ATP8A2: variants seen among roughly 807,000 people sequenced by gnomAD.
ATP8A2 encodes ATPase phospholipid transporting 8A2.
A neutral mutation model predicts 165.6 loss-of-function variants in ATP8A2; 100 were observed. The ratio of observed to expected loss-of-function variants is 0.60; its 90% CI spans 0.51 to 0.71. The LOEUF is 0.71. ATP8A2 is among the 30% of genes least tolerant of loss of function. The pLI is 0.00. For synonymous variants in ATP8A2, 543 were observed against 548.8 expected (o/e 0.99, Z 0.15); for missense variants, 1,227 against 1,479.5 (o/e 0.83, Z 2.80).
chr13:25,862,190 C>G (rs1267143382), intron 32 of ATP8A2, 111 bp from the exon 33 acceptor site: 2 of 708,652 alleles, frequency 2.8e-6, no homozygotes, highest in Non-Finnish European at 5.0e-6. Flanking sequence ...TCATCAAAGT[C>G]TTTCCATAAG....
chr13:25,725,459 G>A (rs1355570465), intron 25 of ATP8A2, among the ~76,000 whole-genome samples: 1 of 152,200 alleles, frequency 6.6e-6, no homozygotes, highest in Non-Finnish European at 1.5e-5. Flanking sequence ...GAACCTCTGA[G>A]ATGACTATTC....
intron 29 of ATP8A2, among the ~76,000 whole-genome samples, chr13:25,838,528 A>G (rs1225887967): frequency 6.6e-6 from 1 of 152,128 alleles, no homozygotes; most frequent in African/African-American, 2.4e-5. Context: ...AAGAGCTGAG[A>G]ATGCACGGAA....
chr13:25,559,968 C>T (rs748684425), intron 15 of ATP8A2, among the ~76,000 whole-genome samples: 4 of 152,098 alleles, frequency 2.6e-5, no homozygotes, highest in Non-Finnish European at 4.4e-5. Context: ...ACTAAAACTA[C>T]GGGCATGCAC....
intron 30 of ATP8A2, among the ~76,000 whole-genome samples, chr13:25,850,807 A>G (rs1341213146): frequency 1.3e-5 from 2 of 152,232 alleles, no homozygotes; most frequent in Non-Finnish European, 2.9e-5. Context: ...ATTAACAGCA[A>G]GCTGTAGCTT....
At chr13:25,690,051 T>A (rs969462433) in intron 24 of ATP8A2, among the ~76,000 whole-genome samples, 4 of 152,052 alleles carry the variant, frequency 2.6e-5, no homozygotes, top group African/African-American at 9.7e-5. Context: ...AAATCTAGTT[T>A]GGGGGAAAAA....
chr13:25,515,469 C>T lies in ATP8A2; in HGVS notation c.222-14530C>T, dbSNP rs141850918. 5.6e-3 allele frequency among the ~76,000 whole-genome samples: 858 copies of T among 152,360 alleles called. 11 individuals carry two copies. Among genetic ancestry groups the T allele is most frequent in the Admixed American group, 0.025 (385 of 15,306 alleles). On this transcript the variant is annotated intron_variant, in intron 2 of 36. Coordinates refer to ENST00000381655, the MANE Select transcript of ATP8A2 (RefSeq NM_016529.6). ...TCGCAGGCCAGGGCCCTTGCTTAGG[C>T]GGCAGCCCCTCTTGTGGGCTTCTCT...
intron 2 of ATP8A2, among the ~76,000 whole-genome samples, chr13:25,472,309 G>T (rs1327871726): frequency 6.6e-6 from 1 of 151,016 alleles, no homozygotes; most frequent in Non-Finnish European, 1.5e-5. Context: ...CACAAGAATC[G>T]CTTGAATCCA....
chr13:25,598,524 T>C (rs1269001474), intron 24 of ATP8A2, among the ~76,000 whole-genome samples: 1 of 152,242 alleles, frequency 6.6e-6, no homozygotes, highest in African/African-American at 2.4e-5. Flanking sequence ...AAAATTACTC[T>C]CAGCAGTATT....
chr13:25,899,313 G>A (rs1326800909), intron 33 of ATP8A2, among the ~76,000 whole-genome samples: 3 of 152,208 alleles, frequency 2.0e-5, no homozygotes, highest in Non-Finnish European at 4.4e-5. Context: ...TGTTACAGGT[G>A]CTGTCCTTTC....
intron 1 of ATP8A2, among the ~76,000 whole-genome samples, chr13:25,449,285 T>C (rs2035150499): frequency 6.6e-6 from 1 of 152,242 alleles, no homozygotes; most frequent in Admixed American, 6.5e-5. Flanking sequence ...ACACAAATTT[T>C]GATATTTATT....
chr13:25,686,635 T>C (rs73154505), intron 24 of ATP8A2, among the ~76,000 whole-genome samples: 15,949 of 152,220 alleles, frequency 0.1, 963 homozygotes, highest in East Asian at 0.26. Context: ...AAATTTTGGC[T>C]TAAAAATATT....
At chr13:25,384,283 T>C (rs1162338165) in intron 1 of ATP8A2, among the ~76,000 whole-genome samples, 2 of 152,240 alleles carry the variant, frequency 1.3e-5, no homozygotes, top group Admixed American at 1.3e-4. Flanking sequence ...TTCAATACGA[T>C]GGTTTAAGTA....
intron 22 of ATP8A2, among the ~76,000 whole-genome samples, chr13:25,581,255 G>A (rs369412560): frequency 2.6e-5 from 4 of 152,088 alleles, no homozygotes; most frequent in African/African-American, 9.7e-5. Context: ...GCAGCTGGAG[G>A]GAACCAAACA....
chr13:25,868,091 C>T (rs972425135), intron 33 of ATP8A2: 1 of 456,318 alleles, frequency 2.2e-6, no homozygotes, highest in Non-Finnish European at 4.4e-6. Flanking sequence ...GGAATCCTCT[C>T]TTCACCCAAG....
intron 33 of ATP8A2, among the ~76,000 whole-genome samples, chr13:25,933,500 G>T (rs546004360): frequency 3.3e-5 from 5 of 152,138 alleles, no homozygotes; most frequent in Non-Finnish European, 5.9e-5. Flanking sequence ...TCATGTTAAA[G>T]TGCTTAGCAC....
intron 27 of ATP8A2, among the ~76,000 whole-genome samples, chr13:25,782,551 G>A (rs1480682530): frequency 3.3e-5 from 5 of 152,102 alleles, no homozygotes; most frequent in Non-Finnish European, 1.5e-5. Context: ...CTGGTTCCAG[G>A]ATACACCCTC....
At chr13:25,639,319 A>C (rs2041452561) in intron 24 of ATP8A2, among the ~76,000 whole-genome samples, 1 of 152,218 alleles carries the variant, frequency 6.6e-6, no homozygotes, top group South Asian at 2.1e-4. Flanking sequence ...AATTGGATTA[A>C]GAGTGAAGAC....
chr13:25,376,687 A>AT (rs2032639135), intron 1 of ATP8A2, among the ~76,000 whole-genome samples: 1 of 152,262 alleles, frequency 6.6e-6, no homozygotes, highest in African/African-American at 2.4e-5. Flanking sequence ...CATGCTGCCC[A>AT]TCGTCATCTA....
chr13:25,729,107 C>CT, intron 25 of ATP8A2, among the ~76,000 whole-genome samples: 1 of 152,178 alleles, frequency 6.6e-6, no homozygotes, highest in Non-Finnish European at 1.5e-5. Flanking sequence ...CCACCCTCCC[C>CT]CTCTCTCCTT....
Sources: allele counts gnomAD v4.1 joint callset (sites outside exome capture counted in the v4.1 genomes callset), GRCh38; gene constraint gnomAD v4.1.1; transcripts MANE v1.5; gene names NCBI Gene and HGNC (gene_info 2026-07-23, HGNC 2026-07-21).